Variants in SPAG16 observed in about 807,000 individuals in gnomAD.
SPAG16 encodes the protein sperm-associated antigen 16 protein.
A neutral mutation model predicts 80.4 loss-of-function variants in SPAG16; 86 were observed. That is an observed-to-expected ratio of 1.07 (90% CI 0.90 to 1.28). The LOEUF is 1.28. SPAG16 is among the 50% of genes most tolerant of loss of function. The pLI is 0.00. For synonymous variants in SPAG16, 294 were observed against 265.9 expected (o/e 1.11, Z -1.03); for missense variants, 870 against 765.3 (o/e 1.14, Z -1.61).
chr2:213,331,479 C>T (rs1396609443), intron 5 of SPAG16, among the ~76,000 whole-genome samples: 1 of 152,162 alleles, frequency 6.6e-6, no homozygotes, highest in Admixed American at 6.5e-5. Context: ...GGAGAGATCG[C>T]AATACAGTAA....
Position 214,108,220 on chromosome 2 carries a change from G to A in SPAG16, c.1552G>A (p.Gly518Ser), listed in dbSNP as rs1178522834. Residue 518 changes from glycine to serine, a missense_variant, in exon 14 of 16, where the codon GGT becomes AGT. Gly to Ser is a moderately conservative substitution (Grantham distance 56). Transcript: ENST00000331683. Reference sequence around the variant, plus strand: ...GGGTATATGTGAGCAGTCACTTTATGGTCACATGCATTCTATCAATGATGC... The same window carrying A: ...GGGTATATGTGAGCAGTCACTTTATAGTCACATGCATTCTATCAATGATGC... ...RTGICEQSLYGHMHSINDAIF... is the reference protein window; with the variant it reads ...RTGICEQSLYSHMHSINDAIF... The A allele has an allele frequency of 3.7e-6, 6 of 1,601,112 alleles. No homozygotes were observed. Among genetic ancestry groups the A allele is most frequent in the Admixed American group, 1.7e-5 (1 of 59,706 alleles).
chr2:213,335,426 A>G (rs2064306370), intron 5 of SPAG16, among the ~76,000 whole-genome samples: 1 of 152,208 alleles, frequency 6.6e-6, no homozygotes, highest in Admixed American at 6.5e-5. Flanking sequence ...CACTATATAT[A>G]TTTAAAGGAA....
intron 12 of SPAG16, among the ~76,000 whole-genome samples, chr2:213,991,337 C>T (rs1575753942): frequency 1.3e-5 from 2 of 152,080 alleles, no homozygotes; most frequent in African/African-American, 4.8e-5. Context: ...TGAACTCATT[C>T]CTTTTTATGG....
At chr2:213,885,162 A>T (rs184927035) in intron 11 of SPAG16, among the ~76,000 whole-genome samples, 1 of 152,202 alleles carries the variant, frequency 6.6e-6, no homozygotes, top group Admixed American at 6.5e-5. Context: ...TAGACAGCCA[A>T]TATGCTCTCT....
At chr2:214,013,002 T>G (rs922075524) in intron 12 of SPAG16, among the ~76,000 whole-genome samples, 2 of 152,128 alleles carry the variant, frequency 1.3e-5, no homozygotes, top group African/African-American at 2.4e-5. Context: ...CGTTTCCAAG[T>G]GACAGTGATA....
Position 213,832,639 on chromosome 2 carries a change from C to G in SPAG16, c.1071-29846C>G, listed in dbSNP as rs573657186. Among the ~76,000 whole-genome samples, 74 of 152,182 alleles carry G rather than the reference C, an allele frequency of 4.9e-4. 1 individual carries two copies. The highest frequency in any genetic ancestry group is 3.9e-3 in the Admixed American group (59 of 15,298). On this transcript the variant is annotated intron_variant, in intron 10 of 15. Coordinates refer to ENST00000331683, the MANE Select transcript of SPAG16 (RefSeq NM_024532.5). ...AGAGAGGAATCCTACACAGAGAGGC[C>G]AAGAAGAATTGGAACAGACAGTCCT...
intron 15 of SPAG16, among the ~76,000 whole-genome samples, chr2:214,398,540 G>A (rs1401709039): frequency 6.6e-6 from 1 of 152,126 alleles, no homozygotes; most frequent in Non-Finnish European, 1.5e-5. Flanking sequence ...GATCCAAGTG[G>A]GCTAGCAGAT....
intron 10 of SPAG16, among the ~76,000 whole-genome samples, chr2:213,798,537 T>C (rs964001687): frequency 6.6e-6 from 1 of 152,108 alleles, no homozygotes; most frequent in African/African-American, 2.4e-5. Context: ...TTAACAGATG[T>C]GAGCCACTGC....
intron 15 of SPAG16, among the ~76,000 whole-genome samples, chr2:214,329,095 G>A (rs895876278): frequency 2.0e-5 from 3 of 152,136 alleles, no homozygotes; most frequent in South Asian, 4.1e-4. Flanking sequence ...AATCTGTGAC[G>A]CAAAAACAAA....
intron 13 of SPAG16, among the ~76,000 whole-genome samples, chr2:214,073,780 C>T (rs1217203132): frequency 6.6e-6 from 1 of 152,034 alleles, no homozygotes; most frequent in East Asian, 1.9e-4. Flanking sequence ...CTTACACTAC[C>T]AGATATCAAG....
intron 9 of SPAG16, among the ~76,000 whole-genome samples, chr2:213,484,731 G>T (rs1042616773): frequency 6.6e-6 from 1 of 152,110 alleles, no homozygotes; most frequent in African/African-American, 2.4e-5. Context: ...ATCAGTGTAA[G>T]CAACATTAGG....
intron 9 of SPAG16, among the ~76,000 whole-genome samples, chr2:213,428,869 G>T (rs914637017): frequency 1.1e-4 from 17 of 151,840 alleles, no homozygotes; most frequent in African/African-American, 4.1e-4. Flanking sequence ...AGGTGGGCAG[G>T]TCACGAGGTC....
chr2:213,359,342 T>C (rs2065848712), intron 7 of SPAG16, among the ~76,000 whole-genome samples: 1 of 152,164 alleles, frequency 6.6e-6, no homozygotes, highest in African/African-American at 2.4e-5. Flanking sequence ...TCTGCAGAAG[T>C]TTCTGCTGCC....
chr2:213,462,887 C>G (rs191027375), intron 9 of SPAG16, among the ~76,000 whole-genome samples: 1 of 152,162 alleles, frequency 6.6e-6, no homozygotes, highest in East Asian at 1.9e-4. Flanking sequence ...TATCAAGATA[C>G]CCCAAAATGT....
At chr2:213,430,005 A>G (rs542201242) in intron 9 of SPAG16, among the ~76,000 whole-genome samples, 24 of 152,372 alleles carry the variant, frequency 1.6e-4, no homozygotes, top group Non-Finnish European at 2.9e-4. Context: ...GAAATACTCA[A>G]TATTCCAGAT....
chr2:213,372,230 A>C (rs1364509018), intron 8 of SPAG16, among the ~76,000 whole-genome samples: 1 of 152,108 alleles, frequency 6.6e-6, no homozygotes, highest in East Asian at 1.9e-4. Context: ...ATTTCAGTGC[A>C]GTAATGCCTA....
intron 13 of SPAG16, among the ~76,000 whole-genome samples, chr2:214,088,116 C>T (rs969777764): frequency 2.6e-5 from 4 of 151,706 alleles, no homozygotes; most frequent in East Asian, 1.9e-4. Context: ...GCAAAGGAAT[C>T]GCTATGTGGA....
At chr2:213,486,737 T>C (rs1045213523) in intron 9 of SPAG16, among the ~76,000 whole-genome samples, 1 of 152,104 alleles carries the variant, frequency 6.6e-6, no homozygotes, top group African/African-American at 2.4e-5. Context: ...TCAAGTCTGC[T>C]TCAATCAATA....
rs191944669 is a variant in SPAG16 at position 213,811,326 on chromosome 2, C to A, written c.1071-51159C>A. Among the ~76,000 whole-genome samples the A allele has an allele frequency of 5.8e-4, 88 of 152,176 alleles. 1 individual carries two copies. The highest frequency in any genetic ancestry group is 2.0e-3 in the African/African-American group (85 of 41,506). ...TCCATAATGAACATACTACAGTAAT[C>A]GTTAGCTGTGACATAAAACATGACA... On this transcript the variant is annotated intron_variant, in intron 10 of 15. Coordinates refer to ENST00000331683, the MANE Select transcript of SPAG16 (RefSeq NM_024532.5).
Sources: allele counts gnomAD v4.1 joint callset (sites outside exome capture counted in the v4.1 genomes callset), GRCh38; gene constraint gnomAD v4.1.1; transcripts MANE v1.5; gene names NCBI Gene and HGNC (gene_info 2026-07-23, HGNC 2026-07-21).